CSMD1: variants seen among roughly 807,000 people sequenced by gnomAD.
CSMD1 encodes CUB and Sushi multiple domains 1.
In CSMD1, 213 loss-of-function variants were observed where a neutral mutation model predicts 417.5. The observed-to-expected ratio is 0.51, with a 90% CI of 0.46 to 0.57. CSMD1 has a LOEUF of 0.57. Among genes scored for constraint, CSMD1 ranks in the 20% least tolerant of loss-of-function variants. The probability of loss-of-function intolerance (pLI) is 0.00; values close to 1 mark genes in which losing one functional copy is unlikely to be tolerated. For missense variants in CSMD1, 6,923 were observed against 4,529.7 expected (o/e 1.53, Z -15.17); for synonymous variants, 2,862 against 1,736.8 (o/e 1.65, Z -16.11).
chr8:4,834,687 T>C (rs1482804714), intron 1 of CSMD1, among the ~76,000 whole-genome samples: 2 of 151,030 alleles, frequency 1.3e-5, no homozygotes, highest in Admixed American at 1.3e-4. Flanking sequence ...CCAGGTGCGG[T>C]GGCTCACTCC....
intron 5 of CSMD1, among the ~76,000 whole-genome samples, chr8:3,767,166 T>C (rs985965660): frequency 1.6e-4 from 24 of 152,230 alleles, no homozygotes; most frequent in African/African-American, 5.3e-4. Flanking sequence ...TGTGCTGTGC[T>C]TCTTAGGTCA....
At chr8:4,043,550 G>T (rs1037245303) in intron 3 of CSMD1, among the ~76,000 whole-genome samples, 1 of 152,150 alleles carries the variant, frequency 6.6e-6, no homozygotes, top group Admixed American at 6.5e-5. Flanking sequence ...AAGACAAATA[G>T]CTTTATGTGT....
At chr8:4,691,395 A>G (rs1157932103) in intron 1 of CSMD1, among the ~76,000 whole-genome samples, 1 of 152,202 alleles carries the variant, frequency 6.6e-6, no homozygotes, top group African/African-American at 2.4e-5. Context: ...TACTAAAGCA[A>G]CCACCTTCTT....
rs191789003 is a variant in CSMD1, at chr8:4,834,826, G to A, written c.85+159506C>T. On this transcript the variant is annotated intron_variant, in intron 1 of 69. Transcript: ENST00000635120. ...AAAAAAATTAGCCGGGCGTGGTGGT[G>A]GGCGCCTGTAATCCCAGCTACTTGG... Among the ~76,000 whole-genome samples the A allele has an allele frequency of 5.5e-3, 832 of 151,034 alleles. 4 individuals carry two copies. Among genetic ancestry groups the A allele is most frequent in the African/African-American group, 0.018 (749 of 41,242 alleles).
At chr8:4,379,549 T>G (rs998152227) in intron 3 of CSMD1, among the ~76,000 whole-genome samples, 2 of 152,226 alleles carry the variant, frequency 1.3e-5, no homozygotes, top group South Asian at 2.1e-4. Context: ...GTCTGTATTA[T>G]TTTTGCAATT....
At chr8:4,351,620 T>G (rs560720156) in intron 3 of CSMD1, among the ~76,000 whole-genome samples, 1 of 151,750 alleles carries the variant, frequency 6.6e-6, no homozygotes, top group Non-Finnish European at 1.5e-5. Context: ...GTTGTGGGAG[T>G]GAGAAAGGAG....
intron 3 of CSMD1, among the ~76,000 whole-genome samples, chr8:4,290,213 G>C (rs1025019474): frequency 6.6e-6 from 1 of 151,996 alleles, no homozygotes; most frequent in Non-Finnish European, 1.5e-5. Context: ...AAACACACTT[G>C]TATGTGTGTC....
At chr8:4,119,597 G>GC (rs1373184335) in intron 3 of CSMD1, among the ~76,000 whole-genome samples, 1 of 254 alleles carries the variant, frequency 3.9e-3, no homozygotes, top group Admixed American at 0.056. Flanking sequence ...CTTCTATCTA[G>GC]GGAGGAGACC....
intron 23 of CSMD1, among the ~76,000 whole-genome samples, chr8:3,313,133 G>T (rs940458667): frequency 1.3e-5 from 2 of 152,182 alleles, no homozygotes; most frequent in Non-Finnish European, 2.9e-5. Flanking sequence ...ATGGATTAAA[G>T]ACTTAAATGT....
chr8:4,953,864 G>A (rs954501634), intron 1 of CSMD1, among the ~76,000 whole-genome samples: 1 of 152,086 alleles, frequency 6.6e-6, no homozygotes, highest in African/African-American at 2.4e-5. Flanking sequence ...GCAGGTTGCA[G>A]GACTCAACCC....
chr8:4,858,141 T>A (rs1416394915), intron 1 of CSMD1, among the ~76,000 whole-genome samples: 1 of 150,224 alleles, frequency 6.7e-6, no homozygotes, highest in Non-Finnish European at 1.5e-5. Context: ...ATCCAGCATA[T>A]AAACAGAGCC....
chr8:4,921,281 G>A (rs964732184), intron 1 of CSMD1, among the ~76,000 whole-genome samples: 1 of 152,086 alleles, frequency 6.6e-6, no homozygotes. Context: ...AATCTGAGTG[G>A]GGGTGCTAAA....
At chr8:4,779,950 G>C (rs10081540) in intron 1 of CSMD1, among the ~76,000 whole-genome samples, 27,832 of 148,262 alleles carry the variant, frequency 0.19, 2,718 homozygotes, top group East Asian at 0.33. Context: ...ACCTTACTTT[G>C]GCCAAATGAT....
intron 10 of CSMD1, among the ~76,000 whole-genome samples, chr8:3,498,945 G>C (rs575512337): frequency 2.6e-5 from 4 of 151,998 alleles, no homozygotes; most frequent in Non-Finnish European, 5.9e-5. Flanking sequence ...TTCTCACGGC[G>C]TATCTTTAAC....
In CSMD1 at chr8:3,123,555, CT is replaced by C. The variant is rs148779116; in HGVS notation, c.6242-4969del. ...TTTTGCTTTAAACGTAATAAACTCT[CT>C]TGGAAAAATGAGTCCTACTGTACAG... On this transcript the variant is annotated intron_variant, in intron 41 of 69. Coordinates refer to ENST00000635120, the MANE Select transcript of CSMD1 (RefSeq NM_033225.6). Among the ~76,000 whole-genome samples the C allele has an allele frequency of 8.4e-3, 1,274 of 152,074 alleles. 23 individuals are homozygous for C. Among genetic ancestry groups the C allele is most frequent in the African/African-American group, 0.03 (1,228 of 41,440 alleles).
Position 4,420,087 on chromosome 8 carries a change from C to T in CSMD1, c.303-22G>A, listed in dbSNP as rs759043452. 11 of 1,500,282 alleles carry T rather than the reference C, an allele frequency of 7.3e-6. No homozygotes were observed. In the South Asian group the frequency reaches 8.4e-5, roughly 12 times the overall value. The allele number at this position is 1,500,282 out of a possible 1,614,324, so 92.9% of individuals were successfully genotyped here. On this transcript the variant is annotated intron_variant, in intron 2 of 69. Transcript: ENST00000635120. ...TAATCTAAATTTAAAAGACAAGACA[C>T]AAAGAGAGTTAAAAGCATGAATTTG...
intron 3 of CSMD1, among the ~76,000 whole-genome samples, chr8:4,047,632 A>G (rs749019466): frequency 6.6e-6 from 1 of 152,312 alleles, no homozygotes; most frequent in Non-Finnish European, 1.5e-5. Context: ...TAGGAATGCA[A>G]TATCGCCCTC....
chr8:4,098,972 G>C (rs182448603), intron 3 of CSMD1, among the ~76,000 whole-genome samples: 82 of 152,210 alleles, frequency 5.4e-4, no homozygotes, highest in African/African-American at 1.5e-3. Context: ...TTTTCAAAGA[G>C]GTAAGAATAC....
intron 3 of CSMD1, among the ~76,000 whole-genome samples, chr8:4,049,367 A>G (rs185279806): frequency 6.6e-6 from 1 of 151,974 alleles, no homozygotes; most frequent in East Asian, 1.9e-4. Flanking sequence ...GAGTTCTAAC[A>G]ATCAAAAATC....
Sources: gnomAD v4.1 joint callset for allele counts (sites outside exome capture counted in the v4.1 genomes callset) on GRCh38, gnomAD v4.1.1 for gene constraint, MANE v1.5 for transcripts, NCBI Gene and HGNC (gene_info 2026-07-23, HGNC 2026-07-21) for gene names.